Variants in TRIB3 observed in about 807,000 individuals in gnomAD.
TRIB3 encodes tribbles pseudokinase 3.
A neutral mutation model predicts 16.6 loss-of-function variants in TRIB3; 20 were observed. That is an observed-to-expected ratio of 1.20 (90% CI 0.85 to 1.75). The LOEUF (loss-of-function observed/expected upper bound fraction) is 1.75. TRIB3 is among the 40% of genes most tolerant of loss of function. The pLI is 0.00. For missense variants in TRIB3, 484 were observed against 488.9 expected, an observed-to-expected ratio of 0.99 and a Z score of 0.10; for synonymous variants, 208 against 217.0, an observed-to-expected ratio of 0.96 and a Z score of 0.36.
chr20:387,407 A>G (rs1007085944), intron 1 of TRIB3, among the ~76,000 whole-genome samples: 1 of 152,014 alleles, frequency 6.6e-6, no homozygotes, highest in Non-Finnish European at 1.5e-5. Context: ...ATACATATAT[A>G]TAACATATTT....
Position 396,904 on chromosome 20 carries a change from G to A in TRIB3, c.*214G>A, listed in dbSNP as rs755089348. ...TTATCAGGTGCCAAGCCCTGTTCTC[G>A]GTGCTGGGAGTACAGCAGTGAGCAA... On this transcript the variant is annotated 3_prime_UTR_variant, in exon 4 of 4. Transcript: ENST00000217233. 1 of 621,060 alleles carries A rather than the reference G, an allele frequency of 1.6e-6. No individual in the cohort carries two copies. Among genetic ancestry groups the A allele is most frequent in the South Asian group, 2.4e-5 (1 of 41,774 alleles). 38.5% of individuals were successfully genotyped at this position (621,060 alleles called of 1,614,324 possible). A position where few individuals can be genotyped will look rare whatever the true frequency, so the allele number is the denominator to read the frequency against.
rs766523952 is a variant in TRIB3, at chr20:397,517, A to T, written c.*827A>T. The T allele has an allele frequency of 9.2e-5, 14 of 152,196 alleles. No homozygotes were observed. Among genetic ancestry groups the T allele is most frequent in the Non-Finnish European group, 2.1e-4 (14 of 68,036 alleles). The allele number at this position is 152,196 out of a possible 1,614,324, so 9.4% of individuals were successfully genotyped here. A position where few individuals can be genotyped will look rare whatever the true frequency, so the allele number is the denominator to read the frequency against. On this transcript the variant is annotated 3_prime_UTR_variant, in exon 4 of 4. Transcript: ENST00000217233. ...ACTCTAGGTTTTGGATACCATGAGTATGTATGTTTACCTGTGCCTAATAAA... is the reference window on the plus strand; with the variant it reads ...ACTCTAGGTTTTGGATACCATGAGTTTGTATGTTTACCTGTGCCTAATAAA...
chr20:388,381 A>AG, intron 2 of TRIB3, 80 bp downstream of exon 2: 1 of 1,468,934 alleles, frequency 6.8e-7, no homozygotes, highest in Non-Finnish European at 9.1e-7. Context: ...CAGGGTGCAG[A>AG]GGGGTCCTTA....
At chr20:394,847 C>T (rs959455747) in intron 3 of TRIB3, among the ~76,000 whole-genome samples, 2 of 151,754 alleles carry the variant, frequency 1.3e-5, no homozygotes, top group African/African-American at 4.8e-5. Flanking sequence ...GAAGAGGGAC[C>T]GTGAGTTAGA....
At chr20:384,476 G>T (rs1008230524) in intron 1 of TRIB3, among the ~76,000 whole-genome samples, 1 of 152,076 alleles carries the variant, frequency 6.6e-6, no homozygotes, top group East Asian at 1.9e-4. Context: ...TGATTCTCCT[G>T]CCTCAGCCTC....
intron 1 of TRIB3, among the ~76,000 whole-genome samples, chr20:387,549 T>C (rs1260998677): frequency 2.2e-5 from 3 of 138,280 alleles, no homozygotes. Flanking sequence ...GCAACATCTC[T>C]TGGGGAAAAA....
intron 1 of TRIB3, among the ~76,000 whole-genome samples, chr20:384,781 G>T (rs981418465): frequency 3.9e-5 from 6 of 152,176 alleles, no homozygotes; most frequent in Non-Finnish European, 8.8e-5. Context: ...CTGAAGCCAA[G>T]GTAGATGCTG....
In TRIB3 at chr20:388,305, C is replaced by G; in HGVS notation, c.291+4C>G. On this transcript the variant is annotated splice_donor_region_variant and intron_variant, in intron 2 of 3. Coordinates refer to ENST00000217233, the MANE Select transcript of TRIB3 (RefSeq NM_021158.5). ...AGGCACTGAGTATACCTGCAAGGTA[C>G]GTGCCCATGGGCGGCTGTCCCCCAG... The G allele has an allele frequency of 6.3e-7, 1 of 1,595,130 alleles. No individual in the cohort carries two copies. Among genetic ancestry groups the G allele is most frequent in the South Asian group, 1.1e-5 (1 of 90,498 alleles).
At chr20:387,554 GAAAA>G (rs11330051) in intron 1 of TRIB3, among the ~76,000 whole-genome samples, 2 of 139,506 alleles carry the variant, frequency 1.4e-5, no homozygotes, top group African/African-American at 5.2e-5. Flanking sequence ...ATCTCTTGGG[GAAAA>G]AAAAAAAAAA....
rs913297903 is a variant in TRIB3, at chr20:389,322, C to T, written c.291+1021C>T. Reference sequence around the variant, plus strand: ...GGCTGAGCCCAGAGAGTCCTGTGCCCGTGCTAGGATAAGCGTTTCACACAA... The same window carrying T: ...GGCTGAGCCCAGAGAGTCCTGTGCCTGTGCTAGGATAAGCGTTTCACACAA... On this transcript the variant is annotated intron_variant, in intron 2 of 3. Coordinates refer to ENST00000217233, the MANE Select transcript of TRIB3 (RefSeq NM_021158.5). 1.1e-4 allele frequency among the ~76,000 whole-genome samples: 16 copies of T among 152,252 alleles called. No individual in the cohort carries two copies. In the East Asian group the frequency reaches 2.9e-3, roughly 28 times the overall value.
chr20:382,851 C>CT (rs2014700434), intron 1 of TRIB3, among the ~76,000 whole-genome samples: 1 of 152,210 alleles, frequency 6.6e-6, no homozygotes, highest in Non-Finnish European at 1.5e-5. Flanking sequence ...AAGTCATGAC[C>CT]TTTCACTCAT....
At chr20:381,994 C>T (rs537448251) in intron 1 of TRIB3, among the ~76,000 whole-genome samples, 206 of 151,926 alleles carry the variant, frequency 1.4e-3, no homozygotes, top group African/African-American at 4.7e-3. Flanking sequence ...GGACACCCGC[C>T]GCCTTTCGCT....
chr20:392,678 TC>T (rs11475180), intron 3 of TRIB3, among the ~76,000 whole-genome samples: 16,060 of 151,992 alleles, frequency 0.11, 1,063 homozygotes, highest in Middle Eastern at 0.19. Context: ...TGCCTCAGCC[TC>T]CCGAATAGCT....
intron 1 of TRIB3, among the ~76,000 whole-genome samples, chr20:385,285 G>A (rs1338818675): frequency 1.3e-5 from 2 of 150,808 alleles, no homozygotes; most frequent in Non-Finnish European, 3.0e-5. Flanking sequence ...GCTAATTTTT[G>A]TAGTTTTAGT....
chr20:388,039 C>T lies in TRIB3; in HGVS notation c.29C>T (p.Ala10Val), dbSNP rs200422001. Residue 10 changes from alanine (A) to valine (V), a missense_variant, in exon 2 of 4, where the codon GCG becomes GTG. By Grantham distance (64) the Ala-to-Val change is moderately conservative (BLOSUM62 0). Coordinates refer to ENST00000217233, the MANE Select transcript of TRIB3 (RefSeq NM_021158.5). MRATPLAAPAGSLSRKKRLE... is the reference protein window; with the variant it reads MRATPLAAPVGSLSRKKRLE... ...CGAGCCACCCCTCTGGCTGCTCCTG[C>T]GGGTTCCCTGTCCAGGAAGAAGCGG... 1.3e-4 allele frequency: 206 copies of T among 1,613,810 alleles called. 2 individuals are homozygous for T. Among genetic ancestry groups the T allele is most frequent in the Admixed American group, 2.0e-4 (12 of 59,990 alleles).
intron 1 of TRIB3, among the ~76,000 whole-genome samples, chr20:386,745 C>G (rs1252934899): frequency 1.3e-5 from 2 of 149,710 alleles, no homozygotes; most frequent in Non-Finnish European, 3.0e-5. Context: ...GCTAATTTTT[C>G]TATTTTTAGT....
chr20:385,665 C>G (rs2122668223), intron 1 of TRIB3: 1 of 152,038 alleles, frequency 6.6e-6, no homozygotes, highest in Non-Finnish European at 1.5e-5. Context: ...AATGCTTGCT[C>G]AAGTTTGAGA....
At chr20:385,460 C>G (rs2014779953) in intron 1 of TRIB3, 2 of 151,024 alleles carry the variant, frequency 1.3e-5, no homozygotes, top group Non-Finnish European at 2.9e-5. Flanking sequence ...CAGTCACGCT[C>G]ATTCTCCACC....
In TRIB3 at chr20:392,119, G is replaced by A. The variant is rs192309759; in HGVS notation, c.584+540G>A. Among the ~76,000 whole-genome samples, 346 of 152,176 alleles carry A rather than the reference G, an allele frequency of 2.3e-3. 1 individual carries two copies. The highest frequency in any genetic ancestry group is 7.7e-3 in the African/African-American group (319 of 41,522). On this transcript the variant is annotated intron_variant, in intron 3 of 3. Coordinates refer to ENST00000217233, the MANE Select transcript of TRIB3 (RefSeq NM_021158.5). ...GAAAGTCATAGTAGCCGACAGTGACGAAAGCATCGCCACATTATCTAACGT... is the reference window on the plus strand; with the variant it reads ...GAAAGTCATAGTAGCCGACAGTGACAAAAGCATCGCCACATTATCTAACGT...
Sources: allele counts gnomAD v4.1 joint callset (sites outside exome capture counted in the v4.1 genomes callset), GRCh38; gene constraint gnomAD v4.1.1; transcripts MANE v1.5; gene names NCBI Gene and HGNC (gene_info 2026-07-23, HGNC 2026-07-21).